The following BTAF1 variants were observed in gnomAD, a reference collection of about 807,000 sequenced individuals.
BTAF1 encodes B-TFIID TATA-box binding protein associated factor 1.
Under a neutral mutation model 227.1 loss-of-function variants are expected in BTAF1, and 38 were observed. The observed-to-expected ratio is 0.17, with a 90% CI of 0.13 to 0.22. The LOEUF is 0.22. Among genes scored for constraint, BTAF1 ranks in the 10% least tolerant of loss-of-function variants. The pLI is 1.00. For synonymous variants in BTAF1, 742 were observed against 751.9 expected, an observed-to-expected ratio of 0.99 and a Z score of 0.21; for missense variants, 1,598 against 2,204.0, an observed-to-expected ratio of 0.73 and a Z score of 5.51.
rs561197716 is a variant in BTAF1 at position 91,939,656 on chromosome 10, T to G, written c.139-296T>G. Among the ~76,000 whole-genome samples, 3 of 152,306 alleles carry G rather than the reference T, an allele frequency of 2.0e-5. No homozygotes were observed. In the East Asian group the frequency reaches 5.8e-4, roughly 29 times the overall value. ...TTTCACCATGTTGGCCAAGCTGGTCTTGAACTCCTGACCTCAGGTGGTCTG... is the reference window on the plus strand; with the variant it reads ...TTTCACCATGTTGGCCAAGCTGGTCGTGAACTCCTGACCTCAGGTGGTCTG... On this transcript the variant is annotated intron_variant, in intron 2 of 37. Transcript: ENST00000265990.
Position 92,013,820 on chromosome 10 carries a change from A to G in BTAF1, c.4453+12A>G, listed in dbSNP as rs1177832345. 2.5e-6 allele frequency: 4 copies of G among 1,613,832 alleles called. No individual in the cohort carries two copies. The highest frequency in any genetic ancestry group is 3.3e-5 in the Admixed American group (2 of 59,992). The stretch of plus-strand genomic sequence containing the variant: ...AGAGCAAGAAGCAGGTATGAAAGAG[A>G]TATAATTATAACCCTGTGTAAGTGA... On this transcript the variant is annotated intron_variant, in intron 31 of 37. Coordinates refer to ENST00000265990, the MANE Select transcript of BTAF1 (RefSeq NM_003972.3).
chr10:91,925,942 C>A (rs973129582), intron 1 of BTAF1, among the ~76,000 whole-genome samples: 16 of 151,972 alleles, frequency 1.1e-4, no homozygotes, highest in African/African-American at 3.9e-4. Context: ...ATTTTTTTCT[C>A]GTTCACTTTT....
intron 14 of BTAF1, among the ~76,000 whole-genome samples, chr10:91,973,428 TTAG>T (rs946750317): frequency 4.6e-5 from 7 of 152,166 alleles, no homozygotes; most frequent in African/African-American, 1.7e-4. Flanking sequence ...AAAAGAATAA[TTAG>T]TAGTTCCATT....
Position 91,982,700 on chromosome 10 carries a change from A to C in BTAF1, c.2162A>C (p.Lys721Thr). The change falls in exon 18 of 38, where the codon AAG becomes ACG. Residue 721 changes from lysine to threonine, a missense_variant. Around this residue, in one of 10 missense-constraint regions of BTAF1, gnomAD observed 318 missense variants for 435.0 expected, o/e 0.73. Transcript: ENST00000265990. ...TTACTACTCTTCCATTTGAACTCCA[A>C]GTCTGCTTTACAGAGGATTAGTGTA... ...GQLLLFHLNSKSALQRISVAL... is the reference protein window; with the variant it reads ...GQLLLFHLNSTSALQRISVAL... 2 of 1,613,982 alleles carry C rather than the reference A, an allele frequency of 1.2e-6. No individual in the cohort carries two copies. Among genetic ancestry groups the C allele is most frequent in the Non-Finnish European group, 1.7e-6 (2 of 1,179,914 alleles).
chr10:92,014,116 C>T lies in BTAF1; in HGVS notation c.4584+87C>T, dbSNP rs1260660428. The T allele has an allele frequency of 1.4e-5, 19 of 1,393,642 alleles. No homozygotes were observed. In the South Asian group the frequency reaches 2.2e-4, roughly 16 times the overall value. 86.3% of individuals were successfully genotyped at this position (1,393,642 alleles called of 1,614,324 possible). ...GCCACAAAACTATTGAATAAAGGGG[C>T]TTAGCCTTTGGCTTTATCAGATGCA... On this transcript the variant is annotated intron_variant, in intron 32 of 37. Coordinates refer to ENST00000265990, the MANE Select transcript of BTAF1 (RefSeq NM_003972.3).
chr10:92,011,267 T>C lies in BTAF1; in HGVS notation c.4182-19T>C. On this transcript the variant is annotated intron_variant, in intron 29 of 37. Coordinates refer to ENST00000265990, the MANE Select transcript of BTAF1 (RefSeq NM_003972.3). ...ACATACAGCAAAAGTTGTAAAATTTTCTATTTATTCTCCCTTAGAAATATT... is the reference window on the plus strand; with the variant it reads ...ACATACAGCAAAAGTTGTAAAATTTCCTATTTATTCTCCCTTAGAAATATT... 6.6e-7 allele frequency: 1 copy of C among 1,508,578 alleles called. No individual in the cohort carries two copies. Among genetic ancestry groups the C allele is most frequent in the South Asian group, 1.3e-5 (1 of 77,378 alleles). 93.4% of individuals were successfully genotyped at this position (1,508,578 alleles called of 1,614,324 possible).
chr10:92,017,133 G>T (rs1359154221), intron 33 of BTAF1, among the ~76,000 whole-genome samples: 1 of 152,138 alleles, frequency 6.6e-6, no homozygotes. Flanking sequence ...AAATACTTAG[G>T]TATATATTAT....
In BTAF1 at chr10:91,982,909, A is replaced by T. The variant is rs1848165202; in HGVS notation, c.2223+148A>T. On this transcript the variant is annotated intron_variant, in intron 18 of 37. Coordinates refer to ENST00000265990, the MANE Select transcript of BTAF1 (RefSeq NM_003972.3). Reference sequence around the variant, plus strand: ...AAGTGTCCAAATTATATTGAAGATTATTTCTCTCCCATTTACTTTTAACTC... The same window carrying T: ...AAGTGTCCAAATTATATTGAAGATTTTTTCTCTCCCATTTACTTTTAACTC... 2.6e-5 allele frequency: 23 copies of T among 869,972 alleles called. 1 individual carries two copies. The South Asian group carries it at 5.1e-4, about 19-fold the overall frequency. The allele number at this position is 869,972 out of a possible 1,614,324, so 53.9% of individuals were successfully genotyped here. A position where few individuals can be genotyped will look rare whatever the true frequency, so the allele number is the denominator to read the frequency against.
At chr10:91,924,774 A>G (rs1288024389) in intron 1 of BTAF1, among the ~76,000 whole-genome samples, 6 of 152,216 alleles carry the variant, frequency 3.9e-5, no homozygotes, top group Non-Finnish European at 7.3e-5. Flanking sequence ...ATTTATTTGT[A>G]TAGCTATAGG....
rs1564655550 is a variant in BTAF1 at position 91,935,788 on chromosome 10, C to T, written c.138+8C>T. 1 of 1,521,674 alleles carries T rather than the reference C, an allele frequency of 6.6e-7. No homozygotes were observed. The highest frequency in any genetic ancestry group is 8.9e-7 in the Non-Finnish European group (1 of 1,120,120). The allele number at this position is 1,521,674 out of a possible 1,614,324, so 94.3% of individuals were successfully genotyped here. ...AATAATCTCCTGTCTAAAGTAAGAA[C>T]TTTTTTTTTTCTTTTAGCATAATAC... On this transcript the variant is annotated splice_region_variant and intron_variant, in intron 2 of 37. Coordinates refer to ENST00000265990, the MANE Select transcript of BTAF1 (RefSeq NM_003972.3).
At chr10:91,952,123 TG>T (rs1845805451) in intron 5 of BTAF1, among the ~76,000 whole-genome samples, 1 of 151,520 alleles carries the variant, frequency 6.6e-6, no homozygotes, top group African/African-American at 2.4e-5. Context: ...TGCATGTGTT[TG>T]TGTGTGTGTA....
intron 14 of BTAF1, among the ~76,000 whole-genome samples, chr10:91,974,488 C>T (rs1847543662): frequency 6.6e-6 from 1 of 152,122 alleles, no homozygotes; most frequent in African/African-American, 2.4e-5. Context: ...AGTGTGCCTT[C>T]TTCTGTGATG....
At chr10:91,964,424 A>T (rs185675405) in intron 13 of BTAF1, among the ~76,000 whole-genome samples, 21 of 152,096 alleles carry the variant, frequency 1.4e-4, no homozygotes, top group African/African-American at 4.6e-4. Flanking sequence ...TATTTCAGTT[A>T]TATAATTCAT....
chr10:91,980,584 C>A, intron 15 of BTAF1, 26 bp downstream of exon 15: 1 of 1,550,872 alleles, frequency 6.4e-7, no homozygotes, highest in African/African-American at 1.4e-5. Flanking sequence ...ATTTGTGTTC[C>A]TTTTCCTAGT....
At chr10:91,948,408 G>C (rs1845535919) in intron 4 of BTAF1, among the ~76,000 whole-genome samples, 1 of 137,514 alleles carries the variant, frequency 7.3e-6, no homozygotes, top group African/African-American at 2.7e-5. Context: ...TATTTATTTA[G>C]AGACAGGATC....
chr10:92,022,071 T>G (rs1851177714), intron 34 of BTAF1, among the ~76,000 whole-genome samples: 1 of 152,188 alleles, frequency 6.6e-6, no homozygotes, highest in South Asian at 2.1e-4. Context: ...AATCAACTTT[T>G]CAAGGCCCTG....
intron 1 of BTAF1, among the ~76,000 whole-genome samples, chr10:91,924,512 A>G (rs1245228400): frequency 1.1e-4 from 16 of 152,212 alleles, no homozygotes. Context: ...AGACCGTCTA[A>G]TTATGTTACC....
In BTAF1 at chr10:91,992,304, G is replaced by C. The variant is rs1157659849; in HGVS notation, c.3040G>C (p.Asp1014His). The C allele has an allele frequency of 6.3e-7, 1 of 1,592,684 alleles. No homozygotes were observed. Among genetic ancestry groups the C allele is most frequent in the Non-Finnish European group, 8.5e-7 (1 of 1,171,000 alleles). Reference protein sequence around the residue: ...GSSGNILVELDEAQKPYLVQR... With the variant: ...GSSGNILVELHEAQKPYLVQR... ...TAGTGGAAATATTCTTGTTGAACTT[G>C]ATGAGGTAAGTAGTTTTTTTTTTTT... Residue 1014 changes from aspartate (D) to histidine (H), a missense_variant, in exon 21 of 38, where the codon GAT becomes CAT. This residue lies in a region of BTAF1 where 425 missense variants were observed against 491.2 expected (regional missense o/e 0.87). Coordinates refer to ENST00000265990, the MANE Select transcript of BTAF1 (RefSeq NM_003972.3).
At chr10:91,950,755 T>G (rs1258591677) in intron 4 of BTAF1, among the ~76,000 whole-genome samples, 1 of 152,182 alleles carries the variant, frequency 6.6e-6, no homozygotes, top group Non-Finnish European at 1.5e-5. Context: ...CTAGATGTTT[T>G]TTTAGCCCAG....
Sources: gnomAD v4.1 joint callset for allele counts (sites outside exome capture counted in the v4.1 genomes callset) on GRCh38, gnomAD v4.1.1 for gene constraint, gnomAD v4.1.1 regional missense constraint, MANE v1.5 for transcripts, NCBI Gene and HGNC (gene_info 2026-07-23, HGNC 2026-07-21) for gene names.